PARVB: variants seen among roughly 807,000 people sequenced by gnomAD.
The protein encoded by PARVB is parvin beta.
Under a neutral mutation model 47.0 loss-of-function variants are expected in PARVB, and 46 were observed. The ratio of observed to expected loss-of-function variants is 0.98; its 90% CI spans 0.77 to 1.25. PARVB has a LOEUF of 1.25. Among genes scored for constraint, PARVB ranks in the 50% most tolerant of loss-of-function variants. The pLI is 0.00. For missense variants in PARVB, 473 were observed against 471.6 expected (o/e 1.00, Z -0.03); for synonymous variants, 196 against 196.3 (o/e 1.00, Z 0.01).
intron 12 of PARVB, 56 bp downstream of exon 12, chr22:44,163,986 A>G: frequency 7.2e-7 from 1 of 1,393,968 alleles, no homozygotes; most frequent in Non-Finnish European, 1.0e-6. Flanking sequence ...GGGAAGAAAA[A>G]CGGGTCCTAG....
chr22:44,120,841 G>GT (rs61215212), intron 4 of PARVB, among the ~76,000 whole-genome samples: 2,080 of 142,826 alleles, frequency 0.015, 32 homozygotes, highest in African/African-American at 0.043. Flanking sequence ...ACACTTGGCT[G>GT]TTTTTTTTTT....
chr22:44,133,334 G>A (rs1601657297), intron 6 of PARVB, among the ~76,000 whole-genome samples: 1 of 152,168 alleles, frequency 6.6e-6, no homozygotes. Context: ...ACTCATTGGA[G>A]GAGGTTGGCC....
chr22:44,166,605 C>A (rs1401526081), intron 12 of PARVB, among the ~76,000 whole-genome samples: 15 of 152,220 alleles, frequency 9.9e-5, no homozygotes, highest in African/African-American at 3.6e-4. Context: ...TGGTCCAGGG[C>A]AAATAGCAAG....
At chr22:44,130,894 T>G (rs1224441336) in intron 4 of PARVB, among the ~76,000 whole-genome samples, 1 of 152,126 alleles carries the variant, frequency 6.6e-6, no homozygotes, top group African/African-American at 2.4e-5. Context: ...TAAGGAAGAT[T>G]AGTGACCTGG....
At chr22:44,011,601 G>C (rs2050523944) in intron 2 of PARVB, among the ~76,000 whole-genome samples, 1 of 151,948 alleles carries the variant, frequency 6.6e-6, no homozygotes, top group Admixed American at 6.6e-5. Flanking sequence ...CTCCAGCCTG[G>C]GTGACAGAGT....
At chr22:44,090,195 T>A (rs2052131627) in intron 1 of PARVB, among the ~76,000 whole-genome samples, 1 of 152,158 alleles carries the variant, frequency 6.6e-6, no homozygotes, top group South Asian at 2.1e-4. Context: ...TGAGGGGACT[T>A]CCCCGAAGCC....
intron 2 of PARVB, among the ~76,000 whole-genome samples, chr22:44,011,884 T>C (rs2050527183): frequency 6.6e-6 from 1 of 152,112 alleles, no homozygotes; most frequent in Non-Finnish European, 1.5e-5. Context: ...CCCTCACTGC[T>C]CTCAAATTGG....
Position 44,147,898 on chromosome 22 carries a change from G to A in PARVB, c.750G>A (p.Pro250=), listed in dbSNP as rs371615280. Residue 250 remains proline, a synonymous_variant, in exon 9 of 13, where the codon CCG becomes CCA. Transcript: ENST00000338758. ...DAFDTLFDHA[P]DKLSVVKKSL... ...TCGACACGCTGTTCGACCACGCCCCGGATAAGCTCAGCGTGGTGAAGAAGG... is the reference window on the plus strand; with the variant it reads ...TCGACACGCTGTTCGACCACGCCCCAGATAAGCTCAGCGTGGTGAAGAAGG... 1.8e-5 allele frequency: 29 copies of A among 1,613,984 alleles called. No individual in the cohort carries two copies. In the East Asian group the frequency reaches 3.6e-4, roughly 20 times the overall value.
At chr22:44,137,901 C>G (rs2053472538) in intron 7 of PARVB, among the ~76,000 whole-genome samples, 1 of 152,204 alleles carries the variant, frequency 6.6e-6, no homozygotes. Context: ...AGGAAACAGA[C>G]TCTGCCTCCT....
intron 3 of PARVB, chr22:44,115,483 G>A (rs2052861360): frequency 1.0e-5 from 1 of 95,740 alleles, no homozygotes; most frequent in Non-Finnish European, 2.1e-5. Flanking sequence ...CAGATACATT[G>A]TTACTAACTA....
At chr22:44,016,319 A>G (rs1266466919) in intron 2 of PARVB, among the ~76,000 whole-genome samples, 2 of 151,720 alleles carry the variant, frequency 1.3e-5, no homozygotes, top group African/African-American at 2.4e-5. Context: ...GATGGTCTCG[A>G]TCTCCTGACT....
chr22:44,018,061 G>A (rs188128325), intron 2 of PARVB, among the ~76,000 whole-genome samples: 10 of 152,180 alleles, frequency 6.6e-5, no homozygotes, highest in East Asian at 1.9e-4. Flanking sequence ...GAGAGTACCC[G>A]GATCTCTGTT....
At chr22:44,033,562 T>C (rs1336446329) in intron 1 of PARVB, among the ~76,000 whole-genome samples, 1 of 152,224 alleles carries the variant, frequency 6.6e-6, no homozygotes, top group Non-Finnish European at 1.5e-5. Flanking sequence ...GTTGGAGGCC[T>C]GCTCCTTTAA....
chr22:44,028,487 A>C (rs2050770676), intron 1 of PARVB, among the ~76,000 whole-genome samples: 1 of 152,050 alleles, frequency 6.6e-6, no homozygotes, highest in Non-Finnish European at 1.5e-5. Context: ...TTGGTAGCTC[A>C]TTCCTTTTTT....
chr22:44,054,558 G>A (rs754644355), intron 1 of PARVB, among the ~76,000 whole-genome samples: 2 of 152,158 alleles, frequency 1.3e-5, no homozygotes, highest in Admixed American at 6.5e-5. Flanking sequence ...AGTTGCCAGG[G>A]GCAGGGGTTG....
At chr22:44,158,697 G>C (rs139071) in intron 11 of PARVB, among the ~76,000 whole-genome samples, 38,694 of 152,126 alleles carry the variant, frequency 0.25, 5,063 homozygotes, top group Non-Finnish European at 0.28. Flanking sequence ...CACTGCCCTC[G>C]TGCGTGGGCC....
intron 7 of PARVB, 102 bp from the exon 8 acceptor site, chr22:44,140,022 C>G: frequency 1.3e-6 from 2 of 1,499,358 alleles, no homozygotes; most frequent in Middle Eastern, 1.7e-4. Context: ...AGCGAGGGCC[C>G]AGCTTTCTGG....
chr22:44,161,331 G>A (rs572186491), intron 11 of PARVB, among the ~76,000 whole-genome samples: 2 of 148,004 alleles, frequency 1.4e-5, no homozygotes, highest in East Asian at 2.0e-4. Context: ...TTTTGGAGGC[G>A]GGGAAGGAAT....
chr22:44,027,393 G>A (rs2050748472), intron 1 of PARVB, among the ~76,000 whole-genome samples: 1 of 152,166 alleles, frequency 6.6e-6, no homozygotes, highest in Non-Finnish European at 1.5e-5. Flanking sequence ...TGTGGAAGAG[G>A]TCGGGTGGAG....
Sources: gnomAD v4.1 joint callset for allele counts (sites outside exome capture counted in the v4.1 genomes callset) on GRCh38, gnomAD v4.1.1 for gene constraint, MANE v1.5 for transcripts, NCBI Gene and HGNC (gene_info 2026-07-23, HGNC 2026-07-21) for gene names.